Variants in NBAS observed in about 807,000 individuals in gnomAD.
NBAS encodes the protein NBAS subunit of NRZ tethering complex, also known as NAG/BC035112 fusion.
Under a neutral mutation model 302.5 loss-of-function variants are expected in NBAS, and 219 were observed. The observed-to-expected ratio is 0.72, with a 90% CI of 0.65 to 0.81. NBAS has a LOEUF of 0.81. NBAS is among the 30% of genes least tolerant of loss of function. The pLI, the probability that NBAS is intolerant of heterozygous loss-of-function variation, is 0.00. For missense variants in NBAS, 2,932 were observed against 2,841.6 expected, an observed-to-expected ratio of 1.03 and a Z score of -0.72; for synonymous variants, 1,118 against 1,021.6, an observed-to-expected ratio of 1.09 and a Z score of -1.80.
the NBAS span, among the ~76,000 whole-genome samples, chr2:15,118,317 G>A: frequency 1.4e-4 from 21 of 152,314 alleles, no homozygotes; most frequent in African/African-American, 4.1e-4. Context: ...TCTTGAGAAA[G>A]TCTTTGTGTG....
chr2:14,809,623 G>C, the NBAS span, among the ~76,000 whole-genome samples: 1 of 152,222 alleles, frequency 6.6e-6, no homozygotes, highest in Non-Finnish European at 1.5e-5. Context: ...CAGAACCTGT[G>C]CTAGGTAGGG....
chr2:15,137,206 T>C, the NBAS span, among the ~76,000 whole-genome samples: 1 of 152,220 alleles, frequency 6.6e-6, no homozygotes, highest in African/African-American at 2.4e-5. Context: ...ATTTGTTTTT[T>C]ATAAGCTACC....
the NBAS span, among the ~76,000 whole-genome samples, chr2:15,108,989 T>C: frequency 2.0e-4 from 31 of 152,180 alleles, no homozygotes; most frequent in African/African-American, 7.2e-4. Flanking sequence ...AAGGAACCAG[T>C]CAAGGTTAAG....
intron 30 of NBAS, among the ~76,000 whole-genome samples, chr2:15,377,897 A>C (rs1233922256): frequency 1.3e-5 from 2 of 152,224 alleles, no homozygotes; most frequent in Non-Finnish European, 2.9e-5. Flanking sequence ...TTGGGCTCAA[A>C]AATCTCATTA....
intron 41 of NBAS, among the ~76,000 whole-genome samples, chr2:15,291,301 T>C (rs1195949336): frequency 6.6e-6 from 1 of 152,188 alleles, no homozygotes; most frequent in Non-Finnish European, 1.5e-5. Flanking sequence ...CCATTTTTCT[T>C]AACTATAAAC....
intron 46 of NBAS, among the ~76,000 whole-genome samples, chr2:15,233,730 C>A (rs905893728): frequency 6.6e-6 from 1 of 152,016 alleles, no homozygotes; most frequent in Non-Finnish European, 1.5e-5. Context: ...TTAATGGATA[C>A]CTCAGAGCAT....
chr2:15,087,211 T>A, the NBAS span, among the ~76,000 whole-genome samples: 1 of 119,754 alleles, frequency 8.4e-6, no homozygotes, highest in African/African-American at 3.7e-5. Flanking sequence ...ATTCCTTAAA[T>A]CTTTTTATAC....
chr2:15,506,839 A>G (rs140964658), intron 10 of NBAS, among the ~76,000 whole-genome samples: 1,854 of 152,324 alleles, frequency 0.012, 38 homozygotes, highest in South Asian at 0.024. Context: ...TTTTTGTATA[A>G]GCAATTAGTA....
the NBAS span, among the ~76,000 whole-genome samples, chr2:14,932,119 C>T: frequency 1.3e-5 from 2 of 152,162 alleles, no homozygotes; most frequent in African/African-American, 4.8e-5. Flanking sequence ...TGACACCACC[C>T]CAGGTAGACC....
the NBAS span, among the ~76,000 whole-genome samples, chr2:14,957,327 A>G: frequency 4.6e-5 from 7 of 151,634 alleles, no homozygotes; most frequent in African/African-American, 1.7e-4. Context: ...CTGTGATGAA[A>G]TAAGTGAAAT....
chr2:15,560,338 C>T (rs1244059976), intron 1 of NBAS, among the ~76,000 whole-genome samples: 1 of 152,198 alleles, frequency 6.6e-6, no homozygotes, highest in Non-Finnish European at 1.5e-5. Flanking sequence ...TACCAAACAA[C>T]TGATAATCCC....
chr2:15,115,672 A>G, the NBAS span, among the ~76,000 whole-genome samples: 1 of 151,590 alleles, frequency 6.6e-6, no homozygotes, highest in South Asian at 2.1e-4. Context: ...ATGCTCAGCT[A>G]ATTTTTTTTT....
the NBAS span, among the ~76,000 whole-genome samples, chr2:15,041,489 C>T: frequency 1.0e-3 from 159 of 152,332 alleles, no homozygotes; most frequent in African/African-American, 3.6e-3. Context: ...CATTCTGTAG[C>T]ATGTGGAGGA....
the NBAS span, among the ~76,000 whole-genome samples, chr2:14,923,627 G>C: frequency 6.6e-6 from 1 of 152,156 alleles, no homozygotes; most frequent in Admixed American, 6.5e-5. Context: ...GGCCAAAGAA[G>C]ACATTTCACA....
At chr2:14,797,147 G>A in the NBAS span, among the ~76,000 whole-genome samples, 2 of 130,306 alleles carry the variant, frequency 1.5e-5, no homozygotes, top group South Asian at 5.0e-4. Flanking sequence ...GGGGACTACA[G>A]CCACCTGCCT....
chr2:15,247,895 G>A (rs1047476828), intron 44 of NBAS, among the ~76,000 whole-genome samples: 4 of 151,938 alleles, frequency 2.6e-5, no homozygotes, highest in East Asian at 1.9e-4. Context: ...TTAGATCAAC[G>A]AGAAAGAAGG....
At chr2:15,271,530 G>GT (rs1669324069) in intron 44 of NBAS, among the ~76,000 whole-genome samples, 1 of 152,190 alleles carries the variant, frequency 6.6e-6, no homozygotes, top group African/African-American at 2.4e-5. Flanking sequence ...TCCAGGTTGA[G>GT]TAACACTGGG....
chr2:15,537,234 T>C (rs1663563399), intron 7 of NBAS, among the ~76,000 whole-genome samples: 1 of 152,164 alleles, frequency 6.6e-6, no homozygotes, highest in Admixed American at 6.5e-5. Flanking sequence ...CTTAACTGCC[T>C]AAAAACAAGG....
At chr2:14,878,041 A>C in the NBAS span, among the ~76,000 whole-genome samples, 2 of 152,150 alleles carry the variant, frequency 1.3e-5, no homozygotes, top group Non-Finnish European at 2.9e-5. Flanking sequence ...ATTTCATCCC[A>C]GTTCACCATG....
Sources: allele counts gnomAD v4.1 joint callset (sites outside exome capture counted in the v4.1 genomes callset), GRCh38; gene constraint gnomAD v4.1.1; transcripts MANE v1.5; gene names NCBI Gene and HGNC (gene_info 2026-07-23, HGNC 2026-07-21).